The following BATF3 variants were observed in gnomAD, a reference collection of about 807,000 sequenced individuals.
BATF3 encodes basic leucine zipper ATF-like transcription factor 3, also known as basic leucine zipper transcriptional factor ATF-like 3.
A neutral mutation model predicts 16.1 loss-of-function variants in BATF3; 8 were observed. The ratio of observed to expected loss-of-function variants is 0.50; its 90% confidence interval spans 0.29 to 0.90. The LOEUF is 0.90. Among genes scored for constraint, BATF3 ranks in the 40% least tolerant of loss-of-function variants. The pLI is 0.08. For missense variants in BATF3, 139 were observed against 167.0 expected (o/e 0.83, Z 0.92); for synonymous variants, 74 against 72.7 (o/e 1.02, Z -0.09).
Position 212,686,692 on chromosome 1 carries a change from G to A in BATF3, c.*99C>T. On this transcript the variant is annotated 3_prime_UTR_variant, in exon 3 of 3. Coordinates refer to ENST00000243440, the MANE Select transcript of BATF3 (RefSeq NM_018664.3). The stretch of plus-strand genomic sequence containing the variant: ...CCTGGAGCTCCCAGGAGGAGGCCTG[G>A]CCACAGGTGCCCCCTGTATACAATT... 6.9e-7 allele frequency: 1 copy of A among 1,455,860 alleles called. No homozygotes were observed. Among genetic ancestry groups the A allele is most frequent in the Non-Finnish European group, 9.1e-7 (1 of 1,102,040 alleles). The allele number at this position is 1,455,860 out of a possible 1,614,324, so 90.2% of individuals were successfully genotyped here.
intron 2 of BATF3, among the ~76,000 whole-genome samples, chr1:212,695,161 G>C (rs1174458482): frequency 6.6e-6 from 1 of 152,038 alleles, no homozygotes; most frequent in Non-Finnish European, 1.5e-5. Context: ...CCAGGAGATT[G>C]AAACTACTCT....
intron 2 of BATF3, among the ~76,000 whole-genome samples, chr1:212,695,942 G>T (rs1203741570): frequency 6.6e-6 from 1 of 152,146 alleles, no homozygotes; most frequent in African/African-American, 2.4e-5. Flanking sequence ...AGAAGAGAAA[G>T]TCTCAGGGTA....
At chr1:212,693,303 C>T (rs1657044015) in intron 2 of BATF3, among the ~76,000 whole-genome samples, 1 of 152,180 alleles carries the variant, frequency 6.6e-6, no homozygotes, top group South Asian at 2.1e-4. Flanking sequence ...GGATATACTT[C>T]CATTTTCCTA....
chr1:212,697,832 A>G (rs1250314563), intron 1 of BATF3: 1 of 152,256 alleles, frequency 6.6e-6, no homozygotes, highest in Admixed American at 6.5e-5. Flanking sequence ...AATCAGCTAT[A>G]GAAAACATGA....
intron 2 of BATF3, among the ~76,000 whole-genome samples, chr1:212,691,891 C>T (rs113906256): frequency 0.013 from 1,959 of 152,340 alleles, 41 homozygotes; most frequent in African/African-American, 0.044. Context: ...TGGCACACGC[C>T]TAGTGTTCAG....
intron 2 of BATF3, among the ~76,000 whole-genome samples, chr1:212,692,304 A>T (rs1356521255): frequency 1.3e-5 from 2 of 152,202 alleles, no homozygotes; most frequent in Non-Finnish European, 2.9e-5. Flanking sequence ...TTGGAATGAT[A>T]CAGGGATTAA....
chr1:212,695,916 C>T (rs1306376892), intron 2 of BATF3, among the ~76,000 whole-genome samples: 1 of 152,172 alleles, frequency 6.6e-6, no homozygotes, highest in African/African-American at 2.4e-5. Flanking sequence ...CCATTAACTG[C>T]AGTTTGAAGA....
rs539993143 is a variant in BATF3, at chr1:212,699,598, G to T, written c.90+75C>A. The T allele has an allele frequency of 9.2e-5, 109 of 1,183,990 alleles. No individual in the cohort carries two copies. The South Asian group carries it at 3.1e-3, about 33-fold the overall frequency. The allele number at this position is 1,183,990 out of a possible 1,614,324, so 73.3% of individuals were successfully genotyped here. On this transcript the variant is annotated intron_variant, in intron 1 of 2. Coordinates refer to ENST00000243440, the MANE Select transcript of BATF3 (RefSeq NM_018664.3). The surrounding 1 kb of genome is among the most constrained non-coding windows in gnomAD (Gnocchi z 4.4). ...CCGCAGTCACCACCACGGAACTCCA[G>T]CACCCACCTCCTCGCCCCCCGCGGC...
chr1:212,687,048 G>A lies in BATF3; in HGVS notation c.196-69C>T, dbSNP rs539996122. ...CCCTTCCTCCGTCCTCCTGTGCCGCGCTGTTCACCTCTTGCCCATGAAAGC... is the reference window on the plus strand; with the variant it reads ...CCCTTCCTCCGTCCTCCTGTGCCGCACTGTTCACCTCTTGCCCATGAAAGC... On this transcript the variant is annotated intron_variant, in intron 2 of 2. Transcript: ENST00000243440. The A allele has an allele frequency of 2.4e-4, 239 of 990,278 alleles. 1 individual carries two copies. Among genetic ancestry groups the A allele is most frequent in the South Asian group, 1.8e-3 (134 of 76,284 alleles). 61.3% of individuals were successfully genotyped at this position (990,278 alleles called of 1,614,324 possible).
At position 212,686,745 on chromosome 1, in the gene BATF3, T is replaced by C. The variant is rs1223615698; in HGVS notation, c.*46A>G. The C allele has an allele frequency of 1.3e-6, 2 of 1,577,368 alleles. No homozygotes were observed. Among genetic ancestry groups the C allele is most frequent in the Admixed American group, 3.5e-5 (2 of 57,056 alleles). On this transcript the variant is annotated 3_prime_UTR_variant, in exon 3 of 3. Transcript: ENST00000243440. ...GAAGGAAAAGCCTTCCTCCCAGGTA[T>C]GAAAATGACCAAGGCTCCTTGCTGG...
intron 2 of BATF3, among the ~76,000 whole-genome samples, chr1:212,690,097 C>CCTGCAGCA (rs1288096010): frequency 6.6e-6 from 1 of 152,160 alleles, no homozygotes; most frequent in African/African-American, 2.4e-5. Flanking sequence ...CACACTCCAC[C>CCTGCAGCA]CTGCAGCAGG....
At chr1:212,692,052 A>C (rs1432478752) in intron 2 of BATF3, among the ~76,000 whole-genome samples, 1 of 151,746 alleles carries the variant, frequency 6.6e-6, no homozygotes, top group Non-Finnish European at 1.5e-5. Context: ...TGCCCAGAAA[A>C]CTCTGCGTGA....
At chr1:212,698,843 T>C (rs1657191197) in intron 1 of BATF3, 1 of 152,266 alleles carries the variant, frequency 6.6e-6, no homozygotes, top group Admixed American at 6.5e-5. Context: ...GAGAGGTTGA[T>C]GTTACTATAT....
chr1:212,690,010 C>T (rs1010918578), intron 2 of BATF3, among the ~76,000 whole-genome samples: 2 of 151,892 alleles, frequency 1.3e-5, no homozygotes, highest in African/African-American at 4.8e-5. Flanking sequence ...ACACCTCACA[C>T]AGTCACACAC....
intron 2 of BATF3, among the ~76,000 whole-genome samples, chr1:212,691,274 C>T (rs1656994400): frequency 6.6e-6 from 1 of 152,178 alleles, no homozygotes; most frequent in African/African-American, 2.4e-5. Context: ...GAGGCCATAG[C>T]CACACACAGA....
Position 212,699,368 on chromosome 1 carries a change from C to T in BATF3, c.90+305G>A, listed in dbSNP as rs1041860330. The stretch of plus-strand genomic sequence containing the variant: ...TCAGGGCAGTGCGGAGCCCACGTGC[C>T]GGGGAGCACCGGCCATGCCCGGCCC... On this transcript the variant is annotated intron_variant, in intron 1 of 2. Coordinates refer to ENST00000243440, the MANE Select transcript of BATF3 (RefSeq NM_018664.3). The surrounding 1 kb of genome is among the most constrained non-coding windows in gnomAD (Gnocchi z 4.4). 1.3e-5 allele frequency among the ~76,000 whole-genome samples: 2 copies of T among 152,092 alleles called. No homozygotes were observed. Among genetic ancestry groups the T allele is most frequent in the African/African-American group, 4.8e-5 (2 of 41,418 alleles).
chr1:212,686,866 C>T lies in BATF3; in HGVS notation c.309G>A (p.Pro103=), dbSNP rs761611354. ...CAAAGTTCATAGGGCAGAGCAGCAG[C>T]GGGCACATCTTCTCGTGCTCCTTCA... ...EALKEHEKMC[P]LLLCPMNFVP... The change falls in exon 3 of 3, where the codon CCG becomes CCA. Residue 103 remains proline (P), a synonymous_variant. Transcript: ENST00000243440. 34 of 1,614,078 alleles carry T rather than the reference C, an allele frequency of 2.1e-5. No individual in the cohort carries two copies. Among genetic ancestry groups the T allele is most frequent in the South Asian group, 6.6e-5 (6 of 91,088 alleles).
At chr1:212,698,619 T>C (rs900738354) in intron 1 of BATF3, 1 of 152,210 alleles carries the variant, frequency 6.6e-6, no homozygotes, top group Non-Finnish European at 1.5e-5. Context: ...TGCATAGTGC[T>C]TCTCATGCCT....
At chr1:212,698,214 C>T (rs997571179) in intron 1 of BATF3, 11 of 152,164 alleles carry the variant, frequency 7.2e-5, no homozygotes, top group African/African-American at 2.7e-4. Context: ...TAAACAAAAC[C>T]AGAACATTAC....
Sources: gnomAD v4.1 joint callset for allele counts (sites outside exome capture counted in the v4.1 genomes callset) on GRCh38, gnomAD v4.1.1 for gene constraint, Gnocchi (gnomAD v3.1) non-coding constraint, MANE v1.5 for transcripts, NCBI Gene and HGNC (gene_info 2026-07-23, HGNC 2026-07-21) for gene names.